GFRA2: variants seen among roughly 807,000 people sequenced by gnomAD.
GFRA2 encodes GDNF family receptor alpha 2.
Under a neutral mutation model 48.3 loss-of-function variants are expected in GFRA2, and 17 were observed. The observed-to-expected ratio is 0.35, with a 90% CI of 0.24 to 0.53. GFRA2 has a LOEUF of 0.53. Among genes scored for constraint, GFRA2 ranks in the 20% least tolerant of loss-of-function variants. The probability of loss-of-function intolerance (pLI) is 0.93; values close to 1 mark genes in which losing one functional copy is unlikely to be tolerated. For synonymous variants in GFRA2, 305 were observed against 257.2 expected (o/e 1.19, Z -1.78); for missense variants, 660 against 637.3 (o/e 1.04, Z -0.38).
At chr8:21,752,652 A>T (rs1790944448) in intron 3 of GFRA2, among the ~76,000 whole-genome samples, 1 of 151,934 alleles carries the variant, frequency 6.6e-6, no homozygotes, top group Admixed American at 6.6e-5. Flanking sequence ...TTATCTGTCT[A>T]CCTGCCAACT....
chr8:21,751,079 G>A (rs1417167918), intron 3 of GFRA2, 137 bp from the exon 4 acceptor site: 13 of 655,348 alleles, frequency 2.0e-5, no homozygotes, highest in Non-Finnish European at 3.2e-5. Flanking sequence ...CCCCCTTTGC[G>A]AAATGGGGAT....
At chr8:21,735,703 C>T (rs1804424479) in intron 4 of GFRA2, among the ~76,000 whole-genome samples, 1 of 152,150 alleles carries the variant, frequency 6.6e-6, no homozygotes, top group African/African-American at 2.4e-5. Context: ...TACTCTGTCA[C>T]CTAGGCTGGA....
chr8:21,705,243 C>T, intron 5 of GFRA2, 118 bp from the exon 6 acceptor site: 1 of 950,190 alleles, frequency 1.1e-6, no homozygotes, highest in Non-Finnish European at 1.5e-6. Context: ...TCTGACCTGG[C>T]CCCAAAACAC....
At chr8:21,781,653 G>A (rs987039075) in intron 2 of GFRA2, among the ~76,000 whole-genome samples, 2 of 143,244 alleles carry the variant, frequency 1.4e-5, no homozygotes, top group African/African-American at 5.6e-5. Context: ...TTATTTATCC[G>A]CACCTCCCCA....
upstream of GFRA2, among the ~76,000 whole-genome samples, chr8:21,793,478 TA>T (rs1214390281): frequency 1.3e-5 from 2 of 152,160 alleles, no homozygotes; most frequent in Non-Finnish European, 2.9e-5. Flanking sequence ...GTGACCAGCC[TA>T]GCGGCTCAGC....
intron 1 of GFRA2, among the ~76,000 whole-genome samples, chr8:21,787,738 C>T (rs1024309809): frequency 1.3e-5 from 2 of 152,254 alleles, no homozygotes; most frequent in East Asian, 3.8e-4. Flanking sequence ...GCCTCTCTCT[C>T]CCTCCCTTCT....
intron 4 of GFRA2, among the ~76,000 whole-genome samples, chr8:21,749,224 C>A (rs922632922): frequency 7.9e-5 from 12 of 151,614 alleles, no homozygotes; most frequent in Admixed American, 7.9e-4. Flanking sequence ...GCACCACCAC[C>A]CGCCCCTCCC....
intron 7 of GFRA2, among the ~76,000 whole-genome samples, chr8:21,699,135 G>A (rs920723233): frequency 5.3e-5 from 8 of 152,182 alleles, no homozygotes; most frequent in South Asian, 2.1e-4. Context: ...TGTTAGCCTC[G>A]GTGCCTGGGA....
chr8:21,751,328 G>A (rs770232494), intron 3 of GFRA2, among the ~76,000 whole-genome samples: 1 of 152,166 alleles, frequency 6.6e-6, no homozygotes, highest in African/African-American at 2.4e-5. Context: ...GGGGGCCCCC[G>A]TGCACCCACC....
At position 21,775,028 on chromosome 8, in the gene GFRA2, T is replaced by C; in HGVS notation, c.383A>G (p.Tyr128Cys). ...CGAGAGGCGGGAGGTCACCGGCTCA[T>C]AGGGGGAGGCTTCGTAGAACTCCTC... ...EGEEFYEASP[Y>C]EPVTSRLSDI... The change falls in exon 3 of 9, where the codon TAT becomes TGT. Residue 128 changes from tyrosine to cysteine, a missense_variant. Tyr to Cys is a radical substitution (Grantham distance 194). Transcript: ENST00000524240. 1 of 1,602,186 alleles carries C rather than the reference T, an allele frequency of 6.2e-7. No individual in the cohort carries two copies. The highest frequency in any genetic ancestry group is 8.6e-7 in the Non-Finnish European group (1 of 1,169,510).
intron 4 of GFRA2, among the ~76,000 whole-genome samples, chr8:21,711,303 G>C (rs536887429): frequency 6.6e-6 from 1 of 152,284 alleles, no homozygotes; most frequent in East Asian, 1.9e-4. Context: ...AAGAAGGCAT[G>C]AGAGACAGAG....
At chr8:21,736,441 T>C (rs913448551) in intron 4 of GFRA2, among the ~76,000 whole-genome samples, 9 of 152,196 alleles carry the variant, frequency 5.9e-5, no homozygotes, top group African/African-American at 1.9e-4. Context: ...TTTTGGGGTG[T>C]TAGGATTGAA....
Position 21,690,577 on chromosome 8 carries a change from T to G in GFRA2, c.*2701A>C, listed in dbSNP as rs1801848256. On this transcript the variant is annotated 3_prime_UTR_variant, in exon 9 of 9. Transcript: ENST00000524240. ...AAGCTAGCTAGTATCCACTCCTCCT[T>G]CATAATGGCACCTCAGTTTCCTCTT... 6.6e-6 allele frequency: 1 copy of G among 152,204 alleles called. No homozygotes were observed. The highest frequency in any genetic ancestry group is 1.5e-5 in the Non-Finnish European group (1 of 68,052). 9.4% of individuals were successfully genotyped at this position (152,204 alleles called of 1,614,324 possible). A position where few individuals can be genotyped will look rare whatever the true frequency, so the allele number is the denominator to read the frequency against.
chr8:21,810,581 T>C (rs1807959092), intron 1 of GFRA2, among the ~76,000 whole-genome samples: 1 of 152,158 alleles, frequency 6.6e-6, no homozygotes, highest in African/African-American at 2.4e-5. Context: ...TCAAAGGAGC[T>C]GTCACTCAGA....
At chr8:21,808,403 G>A (rs1275421797) in intron 1 of GFRA2, among the ~76,000 whole-genome samples, 1 of 152,182 alleles carries the variant, frequency 6.6e-6, no homozygotes, top group Non-Finnish European at 1.5e-5. Flanking sequence ...TTCCAGCATT[G>A]CTATGATGGA....
At position 21,693,028 on chromosome 8, in the gene GFRA2, T is replaced by A. The variant is rs1801947144; in HGVS notation, c.*250A>T. 1.7e-5 allele frequency: 6 copies of A among 344,566 alleles called. No individual in the cohort carries two copies. The East Asian group carries it at 3.4e-4, about 19-fold the overall frequency. The allele number at this position is 344,566 out of a possible 1,614,324, so 21.3% of individuals were successfully genotyped here. A position where few individuals can be genotyped will look rare whatever the true frequency, so the allele number is the denominator to read the frequency against. On this transcript the variant is annotated 3_prime_UTR_variant, in exon 9 of 9. Coordinates refer to ENST00000524240, the MANE Select transcript of GFRA2 (RefSeq NM_001495.5). ...AGGGCATTTCTAGAGCCTCGTGCCC[T>A]CCCCGGCACCAGAGTTTCCCCTGCC...
At chr8:21,778,663 AAG>A (rs760733724) in intron 2 of GFRA2, among the ~76,000 whole-genome samples, 3 of 152,328 alleles carry the variant, frequency 2.0e-5, no homozygotes, top group Admixed American at 6.5e-5. Flanking sequence ...CCAAAGTGGG[AAG>A]AGATTGCTTG....
chr8:21,740,495 C>T (rs1403528859), intron 4 of GFRA2, among the ~76,000 whole-genome samples: 1 of 152,204 alleles, frequency 6.6e-6, no homozygotes, highest in East Asian at 1.9e-4. Flanking sequence ...TTCCAGACCT[C>T]TCTACAGCAT....
chr8:21,749,577 T>A (rs916102564), intron 4 of GFRA2, among the ~76,000 whole-genome samples: 7 of 152,004 alleles, frequency 4.6e-5, no homozygotes, highest in African/African-American at 1.5e-4. Context: ...GAGCTGGCTC[T>A]TCGTTTTATG....
Sources: gnomAD v4.1 joint callset for allele counts (sites outside exome capture counted in the v4.1 genomes callset) on GRCh38, gnomAD v4.1.1 for gene constraint, MANE v1.5 for transcripts, NCBI Gene and HGNC (gene_info 2026-07-23, HGNC 2026-07-21) for gene names.